The following GNB1 variants were observed in gnomAD, a reference collection of about 807,000 sequenced individuals.
The protein encoded by GNB1 is guanine nucleotide-binding protein G(I)/G(S)/G(T) subunit beta-1.
Under a neutral mutation model 42.9 loss-of-function variants are expected in GNB1, and 2 were observed. The ratio of observed to expected loss-of-function variants is 0.05; its 90% CI spans 0.02 to 0.15. The LOEUF is 0.15. Ranked by LOEUF, GNB1 falls within the 10% of genes least tolerant of loss-of-function variation. GNB1 has a pLI of 1.00. For synonymous variants in GNB1, 183 were observed against 174.7 expected (o/e 1.05, Z -0.38); for missense variants, 193 against 462.2 (o/e 0.42, Z 5.34).
At chr1:1,822,705 A>C (rs1325451130) in intron 3 of GNB1, among the ~76,000 whole-genome samples, 1 of 152,160 alleles carries the variant, frequency 6.6e-6, no homozygotes, top group Non-Finnish European at 1.5e-5. Flanking sequence ...CTGTGCAAGA[A>C]GGCCCTGGGG....
intron 2 of GNB1, among the ~76,000 whole-genome samples, chr1:1,838,299 T>G (rs1444679267): frequency 6.6e-6 from 1 of 152,186 alleles, no homozygotes; most frequent in Non-Finnish European, 1.5e-5. Context: ...TTCAAAGAGT[T>G]GCAAGAATAA....
intron 1 of GNB1, among the ~76,000 whole-genome samples, chr1:1,889,787 C>T (rs1034436042): frequency 6.6e-6 from 1 of 152,106 alleles, no homozygotes; most frequent in Non-Finnish European, 1.5e-5. Flanking sequence ...AATCAACTAT[C>T]GATTCACAAG....
chr1:1,792,768 ATTAGAAG>A (rs1367791372), intron 8 of GNB1, among the ~76,000 whole-genome samples: 3 of 151,756 alleles, frequency 2.0e-5, no homozygotes. Context: ...TTGTAAATTT[ATTAGAAG>A]TATAATGAGG....
chr1:1,808,774 G>A (rs1010641676), intron 5 of GNB1, among the ~76,000 whole-genome samples: 1 of 152,064 alleles, frequency 6.6e-6, no homozygotes, highest in African/African-American at 2.4e-5. Context: ...CTCCCAAGTA[G>A]CTGGGATTAC....
intron 1 of GNB1, among the ~76,000 whole-genome samples, chr1:1,845,700 A>G (rs1207366448): frequency 6.6e-6 from 1 of 152,178 alleles, no homozygotes; most frequent in Non-Finnish European, 1.5e-5. Flanking sequence ...ACACTGGAGA[A>G]GGGAGGCACA....
intron 1 of GNB1, among the ~76,000 whole-genome samples, chr1:1,872,048 C>T (rs1237564039): frequency 6.6e-6 from 1 of 151,304 alleles, no homozygotes; most frequent in Admixed American, 6.6e-5. Flanking sequence ...GTTGCCCAGA[C>T]TCGAGTACAG....
chr1:1,817,930 G>C (rs542685700), intron 3 of GNB1, 55 bp from the exon 4 acceptor site: 9 of 1,322,730 alleles, frequency 6.8e-6, no homozygotes, highest in Non-Finnish European at 9.8e-6. Context: ...TTCAATCTCA[G>C]GTCCACACAT....
rs572289201 is a variant in GNB1, at chr1:1,847,817, T to C, written c.-95-8579A>G. On this transcript the variant is annotated intron_variant, in intron 1 of 11. Coordinates refer to ENST00000378609, the MANE Select transcript of GNB1 (RefSeq NM_002074.5). ...GGGGGTGGGTAAGGACTTCAACATGTGGATCTTAGAGAAATTCAAGAGCTA... is the reference window on the plus strand; with the variant it reads ...GGGGGTGGGTAAGGACTTCAACATGCGGATCTTAGAGAAATTCAAGAGCTA... 2.6e-5 allele frequency among the ~76,000 whole-genome samples: 4 copies of C among 152,208 alleles called. No homozygotes were observed. In the South Asian group the frequency reaches 8.3e-4, roughly 32 times the overall value.
intron 2 of GNB1, among the ~76,000 whole-genome samples, chr1:1,829,642 C>A (rs532314188): frequency 2.6e-5 from 4 of 152,244 alleles, no homozygotes; most frequent in Middle Eastern, 3.4e-3. Flanking sequence ...TCATCTTTAC[C>A]GTGAAGACAG....
Position 1,806,256 on chromosome 1 carries a change from G to A in GNB1, c.267+219C>T, listed in dbSNP as rs1392414710. Among the ~76,000 whole-genome samples, 4 of 152,198 alleles carry A rather than the reference G, an allele frequency of 2.6e-5. 1 individual carries two copies. The highest frequency in any genetic ancestry group is 6.3e-3 in the Middle Eastern group (2 of 316). ...CCCACCAGCTTGGTAAGGAGATGACGGACAACAGCACAACTGTGCCTGGTC... is the reference window on the plus strand; with the variant it reads ...CCCACCAGCTTGGTAAGGAGATGACAGACAACAGCACAACTGTGCCTGGTC... On this transcript the variant is annotated intron_variant, in intron 6 of 11. Coordinates refer to ENST00000378609, the MANE Select transcript of GNB1 (RefSeq NM_002074.5).
At chr1:1,837,438 T>TAG (rs1557915866) in intron 2 of GNB1, among the ~76,000 whole-genome samples, 1 of 151,986 alleles carries the variant, frequency 6.6e-6, no homozygotes, top group Admixed American at 6.6e-5. Flanking sequence ...GTATTTTCAG[T>TAG]AGAGACGGGG....
chr1:1,806,605 A>C, intron 5 of GNB1, 67 bp from the exon 6 acceptor site: 1 of 1,040,454 alleles, frequency 9.6e-7, no homozygotes, highest in Non-Finnish European at 1.5e-6. Flanking sequence ...AGAGCAACAG[A>C]CTAAAACCCA....
intron 5 of GNB1, among the ~76,000 whole-genome samples, chr1:1,811,927 G>A (rs999558047): frequency 6.3e-4 from 96 of 151,646 alleles, no homozygotes; most frequent in African/African-American, 2.0e-3. Context: ...TTAGCCAGGC[G>A]TGGTGGCAGG....
At chr1:1,813,969 C>A (rs1179999794) in intron 5 of GNB1, among the ~76,000 whole-genome samples, 1 of 152,200 alleles carries the variant, frequency 6.6e-6, no homozygotes, top group South Asian at 2.1e-4. Context: ...ACTTTACTAA[C>A]AATTTTGAAA....
intron 6 of GNB1, 133 bp from the exon 7 acceptor site, chr1:1,804,714 G>A: frequency 3.0e-6 from 2 of 657,656 alleles, no homozygotes; most frequent in Non-Finnish European, 5.2e-6. Context: ...TATCTAGAGA[G>A]CGATTCCCAT....
intron 3 of GNB1, among the ~76,000 whole-genome samples, chr1:1,820,119 G>A (rs953881294): frequency 1.3e-5 from 2 of 152,028 alleles, no homozygotes; most frequent in South Asian, 2.1e-4. Flanking sequence ...CACCTCAGGC[G>A]GCTGAGGTGG....
chr1:1,849,563 A>G (rs1647869094), intron 1 of GNB1, among the ~76,000 whole-genome samples: 1 of 151,586 alleles, frequency 6.6e-6, no homozygotes, highest in Admixed American at 6.6e-5. Flanking sequence ...CCGCCAGAGC[A>G]CCTGGATAAT....
At chr1:1,822,968 C>T (rs563662582) in intron 3 of GNB1, among the ~76,000 whole-genome samples, 2 of 152,038 alleles carry the variant, frequency 1.3e-5, no homozygotes, top group South Asian at 2.1e-4. Context: ...CTAGGCCGGG[C>T]GTGGTGGCTC....
chr1:1,848,777 A>G (rs1647819494), intron 1 of GNB1, among the ~76,000 whole-genome samples: 3 of 152,020 alleles, frequency 2.0e-5, no homozygotes, highest in African/African-American at 7.3e-5. Flanking sequence ...GCAGGTTAGC[A>G]CTCCTAATCC....
Sources: gnomAD v4.1 joint callset for allele counts (sites outside exome capture counted in the v4.1 genomes callset) on GRCh38, gnomAD v4.1.1 for gene constraint, MANE v1.5 for transcripts, NCBI Gene and HGNC (gene_info 2026-07-23, HGNC 2026-07-21) for gene names.